DENND5B: variants seen among roughly 807,000 people sequenced by gnomAD.
DENND5B encodes DENN domain-containing protein 5B.
DENND5B carries 34 observed loss-of-function variants against 140.6 expected under a neutral mutation model. The ratio of observed to expected loss-of-function variants is 0.24; its 90% CI spans 0.18 to 0.32. DENND5B has a LOEUF of 0.32. DENND5B is among the 10% of genes least tolerant of loss of function. The pLI is 1.00. For synonymous variants in DENND5B, 551 were observed against 562.1 expected (o/e 0.98, Z 0.28); for missense variants, 1,142 against 1,560.2 (o/e 0.73, Z 4.52).
chr12:31,526,458 T>C (rs1324918056), intron 1 of DENND5B, among the ~76,000 whole-genome samples: 2 of 152,212 alleles, frequency 1.3e-5, no homozygotes, highest in African/African-American at 2.4e-5. Flanking sequence ...CCTGTAGCTA[T>C]ATATTCTAGT....
intron 1 of DENND5B, among the ~76,000 whole-genome samples, chr12:31,587,826 C>T (rs1036577041): frequency 1.3e-5 from 2 of 152,098 alleles, no homozygotes; most frequent in African/African-American, 4.8e-5. Context: ...GGATTATAGG[C>T]GTGAGCCACA....
chr12:31,389,952 T>C (rs1941037878), intron 19 of DENND5B, among the ~76,000 whole-genome samples: 1 of 151,724 alleles, frequency 6.6e-6, no homozygotes, highest in Non-Finnish European at 1.5e-5. Flanking sequence ...GAGATATATG[T>C]ATATACACAT....
rs1285071263 is a variant in DENND5B at position 31,449,740 on chromosome 12, T to TTTTTTG, written c.1630-1972_1630-1971insCAAAAA. The stretch of plus-strand genomic sequence containing the variant: ...GGATATACACAGATTAGTTTTTTTT[T>TTTTTTG]TTTTTTTTTGAGACAGAGTCTCGCT... On this transcript the variant is annotated intron_variant, in intron 5 of 20. Coordinates refer to ENST00000389082, the MANE Select transcript of DENND5B (RefSeq NM_144973.4). 7.4e-3 allele frequency among the ~76,000 whole-genome samples: 1,087 copies of TTTTTTG among 145,998 alleles called. 29 individuals are homozygous for TTTTTTG. The highest frequency in any genetic ancestry group is 0.026 in the African/African-American group (1,040 of 40,150).
At chr12:31,488,386 CA>C (rs1371906494) in intron 2 of DENND5B, among the ~76,000 whole-genome samples, 2 of 152,124 alleles carry the variant, frequency 1.3e-5, no homozygotes, top group African/African-American at 4.8e-5. Flanking sequence ...TCCTAAATCA[CA>C]AAATCATAGC....
At chr12:31,545,971 A>AAAAAAAAAAAAAT (rs1948843461) in intron 1 of DENND5B, among the ~76,000 whole-genome samples, 1 of 148,112 alleles carries the variant, frequency 6.8e-6, no homozygotes, top group South Asian at 2.1e-4. Flanking sequence ...AAAAAAAAAA[A>AAAAAAAAAAAAAT]GTGGGGGAAT....
At position 31,590,729 on chromosome 12, in the gene DENND5B, C is replaced by G; in HGVS notation, c.104G>C (p.Gly35Ala). ...FVLCGIDADS[G>A]LEPDELAGEN... ...ACCCGCCAGCTCGTCAGGCTCCAGC[C>G]CGCTGTCCGCGTCGATCCCGCACAG... The change falls in exon 1 of 21, where the codon GGG becomes GCG. Residue 35 changes from glycine to alanine, a missense_variant. Gly to Ala is a moderately conservative substitution (Grantham distance 60, BLOSUM62 0). This residue lies in a region of DENND5B where 708 missense variants were observed against 905.5 expected (regional missense o/e 0.78). Coordinates refer to ENST00000389082, the MANE Select transcript of DENND5B (RefSeq NM_144973.4). 6.8e-7 allele frequency: 1 copy of G among 1,476,868 alleles called. No homozygotes were observed. Among genetic ancestry groups the G allele is most frequent in the South Asian group, 1.3e-5 (1 of 79,292 alleles). 91.5% of individuals were successfully genotyped at this position (1,476,868 alleles called of 1,614,324 possible).
In DENND5B at chr12:31,398,239, G is replaced by C; in HGVS notation, c.3192C>G (p.Pro1064=). Residue 1064 remains proline (P), a synonymous_variant, in exon 17 of 21, where the codon CCC becomes CCG. Transcript: ENST00000389082. ...TAGCCGTGGTGGGTGACTTCTGCTGGGGTGGAGTCCGACACTGCTTTACTA... is the reference window on the plus strand; with the variant it reads ...TAGCCGTGGTGGGTGACTTCTGCTGCGGTGGAGTCCGACACTGCTTTACTA... ...EDLVKQCRTP[P]QQKSPTTARR... is the part of the protein sequence containing the mutation. 1.9e-6 allele frequency: 3 copies of C among 1,603,454 alleles called. No individual in the cohort carries two copies. Among genetic ancestry groups the C allele is most frequent in the Non-Finnish European group, 2.6e-6 (3 of 1,175,084 alleles).
At chr12:31,437,140 C>A (rs963796964) in intron 7 of DENND5B, among the ~76,000 whole-genome samples, 13 of 88,130 alleles carry the variant, frequency 1.5e-4, no homozygotes, top group Admixed American at 3.5e-4. Context: ...TAGCACCTGC[C>A]CCCCCCTTTT....
chr12:31,453,616 G>T (rs1944637733), intron 4 of DENND5B, among the ~76,000 whole-genome samples: 3 of 152,114 alleles, frequency 2.0e-5, no homozygotes, highest in Admixed American at 1.3e-4. Flanking sequence ...ATAAGACATG[G>T]GGTGGAAGTT....
At chr12:31,505,419 T>C (rs1135492) in intron 1 of DENND5B, among the ~76,000 whole-genome samples, 1 of 152,060 alleles carries the variant, frequency 6.6e-6, no homozygotes, top group Admixed American at 6.6e-5. Context: ...GTAGTTTTAG[T>C]AGAGACAGGA....
chr12:31,424,432 A>T, intron 10 of DENND5B, 103 bp downstream of exon 10: 1 of 1,373,630 alleles, frequency 7.3e-7, no homozygotes, highest in Non-Finnish European at 9.6e-7. Context: ...TCCCCTTGTG[A>T]CAAAAGAGCC....
intron 1 of DENND5B, among the ~76,000 whole-genome samples, chr12:31,512,060 G>A (rs1947442185): frequency 6.6e-6 from 1 of 151,140 alleles, no homozygotes; most frequent in Non-Finnish European, 1.5e-5. Flanking sequence ...GGGATTACAG[G>A]CACGTGCCAC....
At chr12:31,468,673 T>C (rs1392616590) in intron 3 of DENND5B, among the ~76,000 whole-genome samples, 1 of 150,418 alleles carries the variant, frequency 6.6e-6, no homozygotes, top group Non-Finnish European at 1.5e-5. Flanking sequence ...TAGCCAGGCA[T>C]GGTGGCACAC....
intron 13 of DENND5B, among the ~76,000 whole-genome samples, chr12:31,411,450 T>C (rs993588631): frequency 6.6e-6 from 1 of 151,322 alleles, no homozygotes; most frequent in Non-Finnish European, 1.5e-5. Context: ...GTTCAAGTGA[T>C]TCTCCTGCCT....
At chr12:31,426,244 T>C (rs1346588761) in intron 9 of DENND5B, 49 bp downstream of exon 9, 1 of 1,550,348 alleles carries the variant, frequency 6.5e-7, no homozygotes, top group Non-Finnish European at 8.7e-7. Context: ...GCCTCACACA[T>C]GGTGTAAACA....
intron 1 of DENND5B, among the ~76,000 whole-genome samples, chr12:31,563,760 T>G (rs1009228825): frequency 1.3e-5 from 2 of 152,246 alleles, no homozygotes; most frequent in Non-Finnish European, 2.9e-5. Flanking sequence ...AAATGCCTTT[T>G]GCAAATAAAA....
intron 1 of DENND5B, among the ~76,000 whole-genome samples, chr12:31,515,140 G>A (rs966978323): frequency 2.0e-5 from 3 of 151,922 alleles, no homozygotes; most frequent in African/African-American, 4.8e-5. Context: ...AAAACAGAAC[G>A]TAAGACTTGC....
At chr12:31,441,176 C>G (rs1002398668) in intron 7 of DENND5B, among the ~76,000 whole-genome samples, 1 of 152,010 alleles carries the variant, frequency 6.6e-6, no homozygotes, top group African/African-American at 2.4e-5. Flanking sequence ...AATCCTGTCT[C>G]TATAAAAAAA....
At chr12:31,474,697 T>C (rs1193402211) in intron 3 of DENND5B, among the ~76,000 whole-genome samples, 4 of 152,128 alleles carry the variant, frequency 2.6e-5, no homozygotes, top group Non-Finnish European at 5.9e-5. Flanking sequence ...GAGTAAGAAA[T>C]GAAGTATCAC....
Sources: allele counts gnomAD v4.1 joint callset (sites outside exome capture counted in the v4.1 genomes callset), GRCh38; gene constraint gnomAD v4.1.1; regional missense constraint gnomAD v4.1.1; transcripts MANE v1.5; gene names NCBI Gene and HGNC (gene_info 2026-07-23, HGNC 2026-07-21).